The following FER variants were observed in gnomAD, a reference collection of about 807,000 sequenced individuals.
The protein encoded by FER is tyrosine-protein kinase Fer.
In FER, 63 loss-of-function variants were observed where a neutral mutation model predicts 111.0. The ratio of observed to expected loss-of-function variants is 0.57; its 90% confidence interval spans 0.46 to 0.70. FER has a LOEUF of 0.70. Ranked by LOEUF, FER falls within the 30% of genes least tolerant of loss-of-function variation. FER has a pLI of 0.00. For synonymous variants in FER, 327 were observed against 313.9 expected (o/e 1.04, Z -0.44); for missense variants, 914 against 954.0 (o/e 0.96, Z 0.55).
intron 5 of FER, among the ~76,000 whole-genome samples, chr5:108,856,216 G>A (rs1054061054): frequency 1.3e-5 from 2 of 152,156 alleles, no homozygotes; most frequent in African/African-American, 4.8e-5. Flanking sequence ...GAAAGCTTAT[G>A]GAAGTTCTCT....
intron 17 of FER, among the ~76,000 whole-genome samples, chr5:109,101,641 T>C (rs1748249879): frequency 6.6e-6 from 1 of 152,154 alleles, no homozygotes; most frequent in African/African-American, 2.4e-5. Context: ...ATATTTCTTT[T>C]GGAAATTAAC....
At chr5:108,813,134 C>T (rs62363281) in intron 3 of FER, among the ~76,000 whole-genome samples, 34,763 of 151,842 alleles carry the variant, frequency 0.23, 4,165 homozygotes, top group African/African-American at 0.28. Context: ...GGTTTGAAAG[C>T]GTAAAAATAT....
intron 2 of FER, among the ~76,000 whole-genome samples, chr5:108,794,975 T>G (rs1156779619): frequency 6.6e-6 from 1 of 152,248 alleles, no homozygotes; most frequent in African/African-American, 2.4e-5. Context: ...ATAAACTTTC[T>G]ACCCCTATCT....
intron 9 of FER, among the ~76,000 whole-genome samples, chr5:108,892,384 T>A (rs1053070742): frequency 1.3e-5 from 2 of 152,156 alleles, no homozygotes; most frequent in African/African-American, 4.8e-5. Flanking sequence ...GGTATCTCAT[T>A]GTGGTTTTGA....
chr5:108,841,533 A>G (rs556746337), intron 5 of FER, among the ~76,000 whole-genome samples: 109 of 152,310 alleles, frequency 7.2e-4, no homozygotes, highest in African/African-American at 2.5e-3. Context: ...GCTCTGGCAA[A>G]TATGGGGAAT....
intron 5 of FER, among the ~76,000 whole-genome samples, chr5:108,864,774 T>G (rs2150226415): frequency 6.6e-6 from 1 of 152,320 alleles, no homozygotes; most frequent in Admixed American, 6.5e-5. Flanking sequence ...TGTAGTATAG[T>G]TTGAAGTCAG....
intron 3 of FER, among the ~76,000 whole-genome samples, chr5:108,802,994 C>T (rs530807131): frequency 6.6e-6 from 1 of 152,240 alleles, no homozygotes; most frequent in East Asian, 1.9e-4. Context: ...TCCACAACCT[C>T]ACGAGCATGT....
chr5:108,974,307 G>C (rs533658908), intron 13 of FER, among the ~76,000 whole-genome samples: 5 of 152,286 alleles, frequency 3.3e-5, no homozygotes, highest in Admixed American at 2.0e-4. Context: ...ATGTTAGACA[G>C]TTGAGGAAAG....
intron 16 of FER, among the ~76,000 whole-genome samples, chr5:109,096,735 A>G (rs1400459287): frequency 6.6e-6 from 1 of 151,882 alleles, no homozygotes; most frequent in Non-Finnish European, 1.5e-5. Flanking sequence ...GGGCTAAGCC[A>G]GTCTAGGACC....
intron 17 of FER, among the ~76,000 whole-genome samples, chr5:109,118,319 C>T (rs1268325126): frequency 2.6e-5 from 4 of 152,050 alleles, no homozygotes; most frequent in African/African-American, 9.7e-5. Flanking sequence ...TATTGATTTT[C>T]GTATGTTGAA....
At chr5:109,085,225 C>T (rs1193384897) in intron 16 of FER, among the ~76,000 whole-genome samples, 1 of 151,740 alleles carries the variant, frequency 6.6e-6, no homozygotes, top group East Asian at 1.9e-4. Context: ...ATTTATTTTG[C>T]TCTCCTTTCA....
intron 13 of FER, among the ~76,000 whole-genome samples, chr5:108,977,285 CTT>C (rs1761479753): frequency 6.6e-6 from 1 of 152,104 alleles, no homozygotes; most frequent in African/African-American, 2.4e-5. Flanking sequence ...TAAATTTTAA[CTT>C]TTTATAATAG....
chr5:108,834,788 G>T (rs1760440528), intron 4 of FER, among the ~76,000 whole-genome samples: 1 of 151,262 alleles, frequency 6.6e-6, no homozygotes, highest in South Asian at 2.1e-4. Context: ...AATGGAGAAT[G>T]ATTTGAACTC....
At chr5:109,083,607 A>G (rs1239343373) in intron 16 of FER, among the ~76,000 whole-genome samples, 1 of 152,036 alleles carries the variant, frequency 6.6e-6, no homozygotes, top group Non-Finnish European at 1.5e-5. Flanking sequence ...TTGTTGGAAA[A>G]TGTGAAGAGA....
At chr5:108,957,876 A>G (rs1758638493) in intron 12 of FER, among the ~76,000 whole-genome samples, 1 of 151,620 alleles carries the variant, frequency 6.6e-6, no homozygotes, top group African/African-American at 2.4e-5. Flanking sequence ...AGACACTGAG[A>G]GATCTTTCTC....
chr5:108,871,372 A>ATATT lies in FER; in HGVS notation c.675_678dup (p.Asp227IlefsTer2). The ATATT allele has an allele frequency of 1.2e-6, 2 of 1,608,446 alleles. No homozygotes were observed. The highest frequency in any genetic ancestry group is 1.7e-6 in the Non-Finnish European group (2 of 1,177,452). On this transcript the variant is annotated frameshift_variant, in exon 7 of 20. Transcript: ENST00000281092. LOFTEE classifies it high-confidence loss of function. ...TTTTATTTTTGTTTTCAGCAAAGGTATATTTGATGAATACAGCCAGATAAC... is the reference window on the plus strand; with the variant it reads ...TTTTATTTTTGTTTTCAGCAAAGGTATATTTATTTGATGAATACAGCCAGATAAC...
chr5:108,836,255 C>T (rs1327811112), intron 5 of FER, among the ~76,000 whole-genome samples: 2 of 151,848 alleles, frequency 1.3e-5, no homozygotes, highest in Non-Finnish European at 2.9e-5. Flanking sequence ...CTATATTGCC[C>T]TAAAATTTTC....
intron 13 of FER, among the ~76,000 whole-genome samples, chr5:109,012,632 G>T (rs759498340): frequency 4.6e-5 from 7 of 152,206 alleles, no homozygotes; most frequent in Non-Finnish European, 8.8e-5. Flanking sequence ...TACATCAGCA[G>T]TATCTGTAGA....
At chr5:108,764,185 T>C (rs747490649) in intron 1 of FER, among the ~76,000 whole-genome samples, 5 of 152,116 alleles carry the variant, frequency 3.3e-5, no homozygotes, top group Non-Finnish European at 5.9e-5. Flanking sequence ...ATTAAGATGC[T>C]GCTACCAACA....
Sources: allele counts gnomAD v4.1 joint callset (sites outside exome capture counted in the v4.1 genomes callset), GRCh38; gene constraint gnomAD v4.1.1; transcripts MANE v1.5; gene names NCBI Gene and HGNC (gene_info 2026-07-23, HGNC 2026-07-21).